Variants in SVIL observed in about 807,000 individuals in gnomAD.
SVIL encodes supervillin.
In SVIL, 101 loss-of-function variants were observed where a neutral mutation model predicts 240.4. The observed-to-expected ratio is 0.42, with a 90% CI of 0.36 to 0.50. The LOEUF is 0.50. Among genes scored for constraint, SVIL ranks in the 20% least tolerant of loss-of-function variants. SVIL has a pLI of 0.01. For synonymous variants in SVIL, 999 were observed against 1,100.0 expected, an observed-to-expected ratio of 0.91 and a Z score of 1.82; for missense variants, 2,512 against 2,818.7, an observed-to-expected ratio of 0.89 and a Z score of 2.46.
chr10:29,724,194 T>C (rs1964149468), intron 1 of SVIL, among the ~76,000 whole-genome samples: 1 of 150,972 alleles, frequency 6.6e-6, no homozygotes, highest in South Asian at 2.1e-4. Flanking sequence ...TTTTTTTTTT[T>C]CAAGAAGCCT....
At chr10:29,528,685 C>T (rs1035837536) in intron 12 of SVIL, among the ~76,000 whole-genome samples, 2 of 151,914 alleles carry the variant, frequency 1.3e-5, no homozygotes, top group Non-Finnish European at 2.9e-5. Context: ...CTGTAATGAG[C>T]CAAGATGGCG....
intron 1 of SVIL, among the ~76,000 whole-genome samples, chr10:29,717,244 A>ATC (rs1963680618): frequency 1.4e-5 from 2 of 145,990 alleles, no homozygotes; most frequent in African/African-American, 5.2e-5. Flanking sequence ...AAAAAAAAAA[A>ATC]AAAAAAAAAA....
Position 29,517,594 on chromosome 10 carries a change from G to A in SVIL, c.3390-4733C>T, listed in dbSNP as rs192123904. Among the ~76,000 whole-genome samples the A allele has an allele frequency of 7.9e-4, 121 of 152,344 alleles. 1 individual carries two copies. Among genetic ancestry groups the A allele is most frequent in the Non-Finnish European group, 1.5e-3 (104 of 68,026 alleles). On this transcript the variant is annotated intron_variant, in intron 16 of 37. Coordinates refer to ENST00000355867, the MANE Select transcript of SVIL (RefSeq NM_021738.3). ...GGAGACAGGGAGACAGCCTCTGGCT[G>A]GGTGGGATACCGAAGGGTGGATGGT...
chr10:29,461,759 G>T (rs1944285397), intron 36 of SVIL, among the ~76,000 whole-genome samples: 1 of 152,162 alleles, frequency 6.6e-6, no homozygotes, highest in South Asian at 2.1e-4. Context: ...GAAATACCAG[G>T]TGGTCTCATA....
intron 13 of SVIL, among the ~76,000 whole-genome samples, chr10:29,526,118 A>G (rs1320015910): frequency 1.3e-5 from 2 of 152,312 alleles, no homozygotes; most frequent in African/African-American, 4.8e-5. Context: ...ACGTTTAGAC[A>G]CTACAAATTG....
intron 3 of SVIL, among the ~76,000 whole-genome samples, chr10:29,562,475 C>T (rs1407586932): frequency 6.6e-6 from 1 of 152,192 alleles, no homozygotes; most frequent in African/African-American, 2.4e-5. Flanking sequence ...AATGTAAAAG[C>T]CCTGGCTGGG....
At chr10:29,562,495 TCACGCCTGTAATCGCAG>T in intron 3 of SVIL, among the ~76,000 whole-genome samples, 1 of 152,320 alleles carries the variant, frequency 6.6e-6, no homozygotes, top group Middle Eastern at 3.4e-3. Context: ...GCGCGGTGGC[TCACGCCTGTAATCGCAG>T]CACTTTGCAA....
At chr10:29,587,304 C>T (rs1454018953) in intron 1 of SVIL, among the ~76,000 whole-genome samples, 1 of 152,242 alleles carries the variant, frequency 6.6e-6, no homozygotes, top group Non-Finnish European at 1.5e-5. Flanking sequence ...TCTCCGGCTT[C>T]GTACAGGACA....
chr10:29,580,902 C>A (rs927305484), intron 1 of SVIL, among the ~76,000 whole-genome samples: 1 of 152,190 alleles, frequency 6.6e-6, no homozygotes, highest in African/African-American at 2.4e-5. Context: ...TCCACCTTGG[C>A]CTCCCGAAGT....
chr10:29,608,160 T>A (rs1330969179), intron 1 of SVIL, among the ~76,000 whole-genome samples: 2 of 152,122 alleles, frequency 1.3e-5, no homozygotes, highest in Non-Finnish European at 2.9e-5. Context: ...TCCTCACCCC[T>A]TCAGGTGCCC....
intron 1 of SVIL, among the ~76,000 whole-genome samples, chr10:29,582,367 C>T (rs913011443): frequency 5.3e-5 from 8 of 152,152 alleles, no homozygotes; most frequent in Admixed American, 2.6e-4. Context: ...GGCCAGGAGA[C>T]GCCAAGGACG....
At chr10:29,551,849 A>T in intron 5 of SVIL, among the ~76,000 whole-genome samples, 1 of 152,146 alleles carries the variant, frequency 6.6e-6, no homozygotes, top group South Asian at 2.1e-4. Context: ...AGTGGCTCAC[A>T]CCTGTAATCC....
At chr10:29,662,656 G>A (rs1006456293) in intron 2 of SVIL, among the ~76,000 whole-genome samples, 1 of 152,148 alleles carries the variant, frequency 6.6e-6, no homozygotes, top group Non-Finnish European at 1.5e-5. Context: ...ACACATGGAT[G>A]GGAAAGCCAC....
intron 3 of SVIL, among the ~76,000 whole-genome samples, chr10:29,654,013 T>C (rs1564738477): frequency 6.6e-6 from 1 of 152,194 alleles, no homozygotes; most frequent in Non-Finnish European, 1.5e-5. Context: ...TTCAGGATTG[T>C]CATGGCTATT....
chr10:29,531,118 C>G (rs1009783077), intron 10 of SVIL, 136 bp downstream of exon 10: 1 of 812,410 alleles, frequency 1.2e-6, no homozygotes, highest in Non-Finnish European at 1.9e-6. Context: ...ATCATATCCA[C>G]AGAACGAAAA....
At position 29,523,778 on chromosome 10, in the gene SVIL, C is replaced by G. The variant is rs774105519; in HGVS notation, c.2836G>C (p.Glu946Gln). 1 of 1,614,226 alleles carries G rather than the reference C, an allele frequency of 6.2e-7. No homozygotes were observed. The highest frequency in any genetic ancestry group is 1.1e-5 in the South Asian group (1 of 91,088). ...EGSENKGMLR[E>Q]YGETESKRAL... ...CTCTTGCTTTCTGTCTCTCCATATT[C>G]TCTCAACATTCCCTTGTTCTCGCTA... Residue 946 changes from glutamate to glutamine, a missense_variant, in exon 15 of 38, where the codon GAA becomes CAA. Glu to Gln is a conservative substitution (Grantham distance 29). Coordinates refer to ENST00000355867, the MANE Select transcript of SVIL (RefSeq NM_021738.3).
rs202076475 is a variant in SVIL, at chr10:29,499,189, G to C, written c.3591C>G (p.Ala1197=). The change falls in exon 18 of 38, where the codon GCC becomes GCG. Residue 1197 remains alanine, a synonymous_variant. Coordinates refer to ENST00000355867, the MANE Select transcript of SVIL (RefSeq NM_021738.3). The stretch of plus-strand genomic sequence containing the variant: ...CCGCTCCTCTGCCTCTCGTCTTCCA[G>C]GCCTCCTCTCTCACAGTGATGAGCT... ...RKQLITVREE[A]WKTRGRGAAN... The C allele has an allele frequency of 1.2e-5, 19 of 1,614,154 alleles. No individual in the cohort carries two copies. The East Asian group carries it at 4.2e-4, about 36-fold the overall frequency.
chr10:29,642,423 G>A (rs1958515426), intron 3 of SVIL, among the ~76,000 whole-genome samples: 1 of 79,154 alleles, frequency 1.3e-5, no homozygotes, highest in Non-Finnish European at 2.8e-5. Flanking sequence ...GAGTGAGAAA[G>A]AAAGAAAGAA....
At chr10:29,600,809 TAA>T (rs1433447096) in intron 1 of SVIL, among the ~76,000 whole-genome samples, 2 of 152,166 alleles carry the variant, frequency 1.3e-5, no homozygotes, top group Non-Finnish European at 2.9e-5. Flanking sequence ...CTGTTCTAAC[TAA>T]AACCCCACAA....
Sources: allele counts gnomAD v4.1 joint callset (sites outside exome capture counted in the v4.1 genomes callset), GRCh38; gene constraint gnomAD v4.1.1; transcripts MANE v1.5; gene names NCBI Gene and HGNC (gene_info 2026-07-23, HGNC 2026-07-21).